SIPA1L1: variants seen among roughly 807,000 people sequenced by gnomAD.
SIPA1L1 encodes signal induced proliferation associated 1 like 1.
SIPA1L1 carries 26 observed loss-of-function variants against 162.7 expected under a neutral mutation model. That is an observed-to-expected ratio of 0.16 (90% CI 0.12 to 0.22). SIPA1L1 has a LOEUF of 0.22. SIPA1L1 is among the 10% of genes least tolerant of loss of function. SIPA1L1 has a pLI of 1.00. For missense variants in SIPA1L1, 1,874 were observed against 2,241.0 expected, an observed-to-expected ratio of 0.84 and a Z score of 3.31; for synonymous variants, 829 against 837.4, an observed-to-expected ratio of 0.99 and a Z score of 0.17.
chr14:71,602,568 T>C (rs1033298753), intron 5 of SIPA1L1, among the ~76,000 whole-genome samples: 1 of 152,254 alleles, frequency 6.6e-6, no homozygotes, highest in African/African-American at 2.4e-5. Context: ...AAATGTCTGT[T>C]ATATCCATTT....
chr14:71,544,093 A>G lies in SIPA1L1; in HGVS notation c.-303+14723A>G, dbSNP rs1029572476. 6.1e-5 allele frequency among the ~76,000 whole-genome samples: 9 copies of G among 148,112 alleles called. 1 individual carries two copies. The highest frequency in any genetic ancestry group is 2.1e-4 in the South Asian group (1 of 4,816). On this transcript the variant is annotated intron_variant, in intron 4 of 23. Transcript: ENST00000381232. ...CACGCACGCACATGTATGTATATAC[A>G]CACGCACATGTATGTATATACACAT...
intron 2 of SIPA1L1, among the ~76,000 whole-genome samples, chr14:71,390,587 G>A (rs922354290): frequency 2.4e-4 from 36 of 152,022 alleles, no homozygotes; most frequent in African/African-American, 8.0e-4. Flanking sequence ...ACCAGAGCCT[G>A]GACAACATGG....
intron 2 of SIPA1L1, among the ~76,000 whole-genome samples, chr14:71,385,720 C>G (rs1037917390): frequency 7.9e-6 from 1 of 126,268 alleles, no homozygotes; most frequent in Non-Finnish European, 1.6e-5. Context: ...ACAAGTCTTG[C>G]TCTGTTGCCT....
rs911924353 is a variant in SIPA1L1, at chr14:71,349,543, AT to A, written c.-465+28371del. The stretch of plus-strand genomic sequence containing the variant: ...TGTTTTCCCTAAAGAAAGGAAATAG[AT>A]TTTTTTTTCCTAGAGAAAGGAAACT... On this transcript the variant is annotated intron_variant, in intron 2 of 23. Coordinates refer to ENST00000381232, the MANE Select transcript of SIPA1L1 (RefSeq NM_001386936.1). Among the ~76,000 whole-genome samples, 6 of 151,790 alleles carry A rather than the reference AT, an allele frequency of 4.0e-5. No individual in the cohort carries two copies. In the East Asian group the frequency reaches 9.6e-4, roughly 24 times the overall value.
At chr14:71,426,038 G>A (rs118152281) in intron 2 of SIPA1L1, among the ~76,000 whole-genome samples, 2,323 of 152,096 alleles carry the variant, frequency 0.015, 32 homozygotes, top group Admixed American at 0.058. Context: ...CTATTTGCAC[G>A]AAATAATCGT....
chr14:71,622,644 A>G (rs1173897588), intron 6 of SIPA1L1, among the ~76,000 whole-genome samples: 1 of 152,252 alleles, frequency 6.6e-6, no homozygotes, highest in Non-Finnish European at 1.5e-5. Flanking sequence ...ATACATTAAT[A>G]GGAAAATGAT....
chr14:71,326,542 C>G (rs1424332577), intron 2 of SIPA1L1, among the ~76,000 whole-genome samples: 2 of 151,892 alleles, frequency 1.3e-5, no homozygotes, highest in Non-Finnish European at 2.9e-5. Context: ...TTCTGAACTG[C>G]TCAGAAAGAA....
intron 2 of SIPA1L1, among the ~76,000 whole-genome samples, chr14:71,491,761 A>AAC (rs59275638): frequency 0.14 from 13,244 of 97,772 alleles, 906 homozygotes; most frequent in Admixed American, 0.17. Context: ...TTTTATTTCA[A>AAC]ACACACACAC....
chr14:71,351,581 T>C (rs1449775183), intron 2 of SIPA1L1, among the ~76,000 whole-genome samples: 1 of 150,686 alleles, frequency 6.6e-6, no homozygotes, highest in Admixed American at 6.6e-5. Context: ...ATTCAGAGTG[T>C]AAGAGTTTCC....
At chr14:71,517,304 T>C (rs2051836138) in intron 3 of SIPA1L1, among the ~76,000 whole-genome samples, 1 of 152,178 alleles carries the variant, frequency 6.6e-6, no homozygotes, top group South Asian at 2.1e-4. Context: ...TGTAATGTAA[T>C]TAAAAAAATT....
In SIPA1L1 at chr14:71,351,928, T is replaced by C. The variant is rs139503916; in HGVS notation, c.-465+30747T>C. Among the ~76,000 whole-genome samples, 4 of 151,370 alleles carry C rather than the reference T, an allele frequency of 2.6e-5. No homozygotes were observed. The East Asian group carries it at 5.8e-4, about 22-fold the overall frequency. ...TGTGTTCATGGAACTCACAGGTTAG[T>C]GGATGGAGCCAGACAGTAAACAACA... On this transcript the variant is annotated intron_variant, in intron 2 of 23. Coordinates refer to ENST00000381232, the MANE Select transcript of SIPA1L1 (RefSeq NM_001386936.1).
At chr14:71,729,372 C>CA (rs2084544389) in intron 19 of SIPA1L1, among the ~76,000 whole-genome samples, 1 of 152,160 alleles carries the variant, frequency 6.6e-6, no homozygotes, top group Admixed American at 6.5e-5. Context: ...AATGCATCTT[C>CA]AAAAAATGAA....
intron 13 of SIPA1L1, among the ~76,000 whole-genome samples, chr14:71,694,240 G>A (rs1162950750): frequency 1.3e-5 from 2 of 152,148 alleles, no homozygotes; most frequent in Admixed American, 6.6e-5. Flanking sequence ...GTGTGTGCGT[G>A]TGTGTATGTG....
intron 3 of SIPA1L1, among the ~76,000 whole-genome samples, chr14:71,521,135 T>G (rs2052311878): frequency 6.6e-6 from 1 of 152,208 alleles, no homozygotes; most frequent in Non-Finnish European, 1.5e-5. Context: ...ATGAACATCC[T>G]TGTTTATGTT....
intron 2 of SIPA1L1, among the ~76,000 whole-genome samples, chr14:71,412,977 T>C (rs116406049): frequency 5.9e-5 from 9 of 152,300 alleles, no homozygotes; most frequent in African/African-American, 2.2e-4. Context: ...AGTGTGAGAA[T>C]TGTGGAATTT....
chr14:71,413,769 C>G (rs769026390), intron 2 of SIPA1L1, among the ~76,000 whole-genome samples: 2 of 152,134 alleles, frequency 1.3e-5, no homozygotes, highest in Non-Finnish European at 2.9e-5. Context: ...GTGTATTGAG[C>G]TGCACATAAA....
chr14:71,632,124 C>G (rs2040633737), intron 7 of SIPA1L1, among the ~76,000 whole-genome samples: 1 of 152,182 alleles, frequency 6.6e-6, no homozygotes, highest in Non-Finnish European at 1.5e-5. Flanking sequence ...ATGTATTTCT[C>G]TGCGTTCTTC....
chr14:71,542,295 T>C (rs1408296246), intron 4 of SIPA1L1, among the ~76,000 whole-genome samples: 4 of 146,458 alleles, frequency 2.7e-5, no homozygotes, highest in Non-Finnish European at 6.0e-5. Context: ...CTCTTCCTCT[T>C]CTCCTCTTCC....
At chr14:71,458,455 T>A (rs1388395851) in intron 2 of SIPA1L1, among the ~76,000 whole-genome samples, 1 of 152,164 alleles carries the variant, frequency 6.6e-6, no homozygotes, top group East Asian at 1.9e-4. Flanking sequence ...GTAACAAAAA[T>A]GTTGTTATTA....
Sources: gnomAD v4.1 joint callset for allele counts (sites outside exome capture counted in the v4.1 genomes callset) on GRCh38, gnomAD v4.1.1 for gene constraint, MANE v1.5 for transcripts, NCBI Gene and HGNC (gene_info 2026-07-23, HGNC 2026-07-21) for gene names.